The following CNOT6 variants were observed in gnomAD, a reference collection of about 807,000 sequenced individuals.
CNOT6 encodes CCR4-NOT transcription complex subunit 6.
In CNOT6, 12 loss-of-function variants were observed where a neutral mutation model predicts 61.2. The ratio of observed to expected loss-of-function variants is 0.20; its 90% CI spans 0.13 to 0.32. The LOEUF (loss-of-function observed/expected upper bound fraction) is 0.32, where lower values mean the gene tolerates loss of function less well. Among genes scored for constraint, CNOT6 ranks in the 10% least tolerant of loss-of-function variants. The probability of loss-of-function intolerance (pLI) is 1.00; values close to 1 mark genes in which losing one functional copy is unlikely to be tolerated. For missense variants in CNOT6, 405 were observed against 663.9 expected (o/e 0.61, Z 4.28); for synonymous variants, 225 against 240.6 (o/e 0.94, Z 0.60).
chr5:180,534,128 G>C (rs1485832005), intron 2 of CNOT6: 1 of 153,174 alleles, frequency 6.5e-6, no homozygotes, highest in Admixed American at 6.5e-5. Flanking sequence ...ACAGGGAAGA[G>C]TTATTTCCAT....
intron 1 of CNOT6, among the ~76,000 whole-genome samples, chr5:180,502,560 C>G (rs544320110): frequency 6.6e-6 from 1 of 152,200 alleles, no homozygotes; most frequent in African/African-American, 2.4e-5. Context: ...AAAATAGTAG[C>G]AAAGAGGAAA....
chr5:180,548,894 G>A (rs894660773), intron 2 of CNOT6, among the ~76,000 whole-genome samples: 1 of 152,174 alleles, frequency 6.6e-6, no homozygotes, highest in Non-Finnish European at 1.5e-5. Flanking sequence ...GAACCAGTAA[G>A]GAGATTATGG....
chr5:180,550,078 G>A lies in CNOT6; in HGVS notation c.260G>A (p.Arg87His), dbSNP rs1043466118. ...VYLDLSSNKIRSLPAELGNMV... is the reference protein window; with the variant it reads ...VYLDLSSNKIHSLPAELGNMV... Reference sequence around the variant, plus strand: ...TTGGACCTGTCATCTAATAAAATTCGTAGCTTACCCGCAGAACTCGGAAAC... The same window carrying A: ...TTGGACCTGTCATCTAATAAAATTCATAGCTTACCCGCAGAACTCGGAAAC... The change falls in exon 3 of 12, where the codon CGT (arginine) becomes CAT (histidine). Residue 87 changes from arginine to histidine, a missense_variant. Physicochemically the swap from Arg to His is conservative, Grantham distance 29. Around this residue, in one of 5 missense-constraint regions of CNOT6, gnomAD observed 212 missense variants for 307.1 expected, o/e 0.69. Transcript: ENST00000261951. 9.3e-6 allele frequency: 15 copies of A among 1,613,842 alleles called. No homozygotes were observed. Among genetic ancestry groups the A allele is most frequent in the African/African-American group, 8.0e-5 (6 of 74,874 alleles).
intron 2 of CNOT6, among the ~76,000 whole-genome samples, chr5:180,537,804 CTTT>C (rs11407875): frequency 7.0e-5 from 10 of 141,932 alleles, no homozygotes; most frequent in East Asian, 2.0e-4. Context: ...CTTTCTCTCT[CTTT>C]TTTTTTTTTT....
chr5:180,503,181 A>C (rs574938248), intron 1 of CNOT6, among the ~76,000 whole-genome samples: 17 of 152,248 alleles, frequency 1.1e-4, no homozygotes, highest in African/African-American at 4.1e-4. Context: ...ATAAGTGAGG[A>C]AATTTAGGCA....
At chr5:180,516,354 A>G (rs1446385402) in intron 1 of CNOT6, among the ~76,000 whole-genome samples, 1 of 151,798 alleles carries the variant, frequency 6.6e-6, no homozygotes, top group Non-Finnish European at 1.5e-5. Context: ...TAATTTTTGT[A>G]TTTTTAATAG....
At chr5:180,563,727 T>A (rs1581565182) in intron 4 of CNOT6, among the ~76,000 whole-genome samples, 1 of 152,354 alleles carries the variant, frequency 6.6e-6, no homozygotes, top group Non-Finnish European at 1.5e-5. Context: ...TCCAGAATAA[T>A]ACACAATGCT....
chr5:180,553,944 A>G (rs778736341), intron 4 of CNOT6, among the ~76,000 whole-genome samples: 3 of 152,232 alleles, frequency 2.0e-5, no homozygotes, highest in Admixed American at 6.5e-5. Context: ...TGATCCAGCA[A>G]GAACTATTAG....
At chr5:180,522,297 T>G (rs780122) in intron 1 of CNOT6, among the ~76,000 whole-genome samples, 32,231 of 151,750 alleles carry the variant, frequency 0.21, 4,052 homozygotes, top group East Asian at 0.4. Context: ...TTTTTTTTTG[T>G]AGAGATGGGG....
intron 1 of CNOT6, among the ~76,000 whole-genome samples, chr5:180,528,433 T>C (rs1238582193): frequency 1.3e-5 from 2 of 151,954 alleles, no homozygotes; most frequent in Non-Finnish European, 2.9e-5. Flanking sequence ...GCCTCAGCCT[T>C]CCGAGTAACT....
intron 2 of CNOT6, among the ~76,000 whole-genome samples, chr5:180,532,797 A>G (rs540856839): frequency 6.6e-6 from 1 of 152,266 alleles, no homozygotes; most frequent in Non-Finnish European, 1.5e-5. Context: ...GGTTCAGTTA[A>G]TTTGCTGGAG....
intron 1 of CNOT6, among the ~76,000 whole-genome samples, chr5:180,506,064 T>C (rs147749861): frequency 1.1e-3 from 170 of 152,310 alleles, no homozygotes; most frequent in African/African-American, 3.9e-3. Flanking sequence ...TTGCAAGTGA[T>C]AGAATTCTTG....
At chr5:180,506,379 C>T (rs775789676) in intron 1 of CNOT6, among the ~76,000 whole-genome samples, 13 of 152,150 alleles carry the variant, frequency 8.5e-5, no homozygotes, top group African/African-American at 1.4e-4. Context: ...CGTTATTCTC[C>T]GGACCTTCTT....
chr5:180,514,093 G>A (rs1357562507), intron 1 of CNOT6, among the ~76,000 whole-genome samples: 1 of 151,992 alleles, frequency 6.6e-6, no homozygotes, highest in East Asian at 1.9e-4. Context: ...CTCCAAATGT[G>A]CTGGGATTAC....
At chr5:180,549,841 C>A in intron 2 of CNOT6, 90 bp from the exon 3 acceptor site, 2 of 943,194 alleles carry the variant, frequency 2.1e-6, no homozygotes, top group Non-Finnish European at 1.6e-6. Context: ...ATTTAAGTTA[C>A]TCATAAAAAC....
chr5:180,508,812 A>T (rs1279295511), intron 1 of CNOT6, among the ~76,000 whole-genome samples: 1 of 128,000 alleles, frequency 7.8e-6, no homozygotes, highest in African/African-American at 3.5e-5. Context: ...TAATTAATTA[A>T]TTAATTTTAT....
Position 180,574,078 on chromosome 5 carries a change from A to C in CNOT6, c.1552A>C (p.Asn518His). The C allele has an allele frequency of 6.2e-7, 1 of 1,614,016 alleles. No individual in the cohort carries two copies. Among genetic ancestry groups the C allele is most frequent in the Non-Finnish European group, 8.5e-7 (1 of 1,179,916 alleles). ...PLDHHWLVEN[N>H]ISGCPHPLIP... is the part of the protein sequence containing the mutation. The stretch of plus-strand genomic sequence containing the variant: ...GGACCACCACTGGCTGGTTGAGAAT[A>C]ACATCAGTGGCTGCCCGCACCCCCT... Residue 518 changes from asparagine (N) to histidine (H), a missense_variant, in exon 12 of 12, where the codon AAC becomes CAC. This residue lies in a region of CNOT6 where 52 missense variants were observed against 69.3 expected (regional missense o/e 0.75). Transcript: ENST00000261951.
chr5:180,511,346 T>C (rs1430656260), intron 1 of CNOT6, among the ~76,000 whole-genome samples: 1 of 151,882 alleles, frequency 6.6e-6, no homozygotes, highest in African/African-American at 2.4e-5. Context: ...GGGCGGTGGC[T>C]CACGCCTGTA....
intron 10 of CNOT6, 65 bp from the exon 11 acceptor site, chr5:180,571,165 T>C: frequency 2.6e-6 from 3 of 1,133,520 alleles, no homozygotes; most frequent in Non-Finnish European, 3.9e-6. Flanking sequence ...TTCTTACTAT[T>C]GCATGATCTT....
Sources: gnomAD v4.1 joint callset for allele counts (sites outside exome capture counted in the v4.1 genomes callset) on GRCh38, gnomAD v4.1.1 for gene constraint, gnomAD v4.1.1 regional missense constraint, MANE v1.5 for transcripts, NCBI Gene and HGNC (gene_info 2026-07-23, HGNC 2026-07-21) for gene names.